The following WAC variants were observed in gnomAD, a reference collection of about 807,000 sequenced individuals.
WAC encodes WW domain containing adaptor with coiled-coil, also known as WW domain-containing adapter protein with coiled-coil.
A neutral mutation model predicts 79.6 loss-of-function variants in WAC; 11 were observed. The observed-to-expected ratio is 0.14, with a 90% CI of 0.09 to 0.23. The LOEUF is 0.23. WAC is among the 10% of genes least tolerant of loss of function. The pLI is 1.00. For synonymous variants in WAC, 304 were observed against 276.9 expected (o/e 1.10, Z -0.97); for missense variants, 728 against 773.5 (o/e 0.94, Z 0.70).
intron 7 of WAC, among the ~76,000 whole-genome samples, chr10:28,606,717 GCAAA>G (rs2132794479): frequency 6.6e-6 from 1 of 152,292 alleles, no homozygotes; most frequent in Admixed American, 6.5e-5. Flanking sequence ...TATACTAAAA[GCAAA>G]CAGAGTGCTG....
chr10:28,617,248 G>C (rs966178754), intron 12 of WAC, among the ~76,000 whole-genome samples: 1 of 152,166 alleles, frequency 6.6e-6, no homozygotes, highest in Admixed American at 6.6e-5. Context: ...TGGGGTGTTC[G>C]AAAGTTTACA....
Position 28,535,771 on chromosome 10 carries a change from T to C in WAC, c.274+14T>C, listed in dbSNP as rs1836621487. The C allele has an allele frequency of 1.9e-6, 3 of 1,586,942 alleles. No individual in the cohort carries two copies. The highest frequency in any genetic ancestry group is 2.7e-5 in the African/African-American group (2 of 73,880). ...AGAGGGATGGTGGTGAGTATCTTTC[T>C]TGTTGAAACTTTGACATACAGTTTT... is the stretch of plus-strand genomic sequence containing the variant. On this transcript the variant is annotated intron_variant, in intron 3 of 13. Transcript: ENST00000354911.
chr10:28,619,601 G>A lies in WAC; in HGVS notation c.1939G>A (p.Val647Met), dbSNP rs150286545. The A allele has an allele frequency of 3.2e-6, 5 of 1,574,928 alleles. No homozygotes were observed. The African/African-American group carries it at 4.2e-5, about 13-fold the overall frequency. Residue 647 changes from valine (V) to methionine (M), a missense_variant, in exon 14 of 14, where the codon GTG (valine) becomes ATG (methionine). Physicochemically the swap from Val to Met is conservative, Grantham distance 21. Around this residue, in one of 3 missense-constraint regions of WAC, gnomAD observed 66 missense variants for 78.9 expected, o/e 0.84. Transcript: ENST00000354911. Reference protein sequence around the residue: ...EKLKNQNSFMV With the variant: ...EKLKNQNSFMM ...GCTAAAAAATCAGAATTCCTTCATGGTGTGAAGATGTGAATAATTGCACAT... is the reference window on the plus strand; with the variant it reads ...GCTAAAAAATCAGAATTCCTTCATGATGTGAAGATGTGAATAATTGCACAT...
At chr10:28,610,905 T>C in intron 9 of WAC, 84 bp downstream of exon 9, 1 of 1,394,278 alleles carries the variant, frequency 7.2e-7, no homozygotes, top group Non-Finnish European at 9.3e-7. Flanking sequence ...ATTTAGTTTT[T>C]TCTTTCATTT....
intron 3 of WAC, among the ~76,000 whole-genome samples, chr10:28,581,745 G>A (rs188061151): frequency 7.3e-5 from 11 of 151,578 alleles, no homozygotes; most frequent in Non-Finnish European, 1.5e-4. Context: ...ATTTTTAGTA[G>A]AGATGGGGTT....
intron 6 of WAC, among the ~76,000 whole-genome samples, chr10:28,593,234 A>G (rs1450119229): frequency 6.6e-6 from 1 of 152,148 alleles, no homozygotes; most frequent in Non-Finnish European, 1.5e-5. Context: ...AAGCCATTCA[A>G]GTATTTAACT....
chr10:28,583,552 CA>C (rs35140807), intron 4 of WAC, 47 bp downstream of exon 4: 86,508 of 813,340 alleles, frequency 0.11, no homozygotes, highest in Non-Finnish European at 0.11. Context: ...GAATTTTTTG[CA>C]AAAAAAAAAA....
chr10:28,614,859 T>C, intron 11 of WAC, 174 bp downstream of exon 11: 2 of 504,970 alleles, frequency 4.0e-6, no homozygotes, highest in Non-Finnish European at 6.9e-6. Context: ...AGAGGTAGGT[T>C]ATTGTCTCTA....
intron 3 of WAC, among the ~76,000 whole-genome samples, chr10:28,566,664 C>G (rs1838632407): frequency 1.3e-5 from 2 of 152,178 alleles, no homozygotes; most frequent in South Asian, 4.1e-4. Flanking sequence ...GTTTTTTTCT[C>G]TTACCATAAG....
intron 1 of WAC, 114 bp from the exon 2 acceptor site, chr10:28,533,884 G>A (rs1368911037): frequency 1.5e-6 from 2 of 1,345,126 alleles, no homozygotes; most frequent in East Asian, 2.5e-5. Flanking sequence ...GCTCGGCGCT[G>A]GGGCGCTCGG....
In WAC at chr10:28,619,735, G is replaced by A; in HGVS notation, c.*129G>A. The A allele has an allele frequency of 9.1e-6, 6 of 658,744 alleles. No individual in the cohort carries two copies. The East Asian group carries it at 1.3e-4, about 14-fold the overall frequency. 40.8% of individuals were successfully genotyped at this position (658,744 alleles called of 1,614,324 possible). On this transcript the variant is annotated 3_prime_UTR_variant, in exon 14 of 14. Transcript: ENST00000354911. ...TGGGCAAAGGAAATGACAAGGGGAC[G>A]GGGTCTGTGAGAGTCAATTCAGGGG... is the stretch of plus-strand genomic sequence containing the variant.
chr10:28,546,334 A>G (rs560635995), intron 3 of WAC, among the ~76,000 whole-genome samples: 3 of 152,342 alleles, frequency 2.0e-5, no homozygotes, highest in South Asian at 2.1e-4. Flanking sequence ...TTCTAACTTC[A>G]TAGAATTGTG....
At chr10:28,612,931 A>T (rs1841310464) in intron 10 of WAC, among the ~76,000 whole-genome samples, 1 of 152,194 alleles carries the variant, frequency 6.6e-6, no homozygotes, top group Non-Finnish European at 1.5e-5. Context: ...AATAGTGGTT[A>T]AAAGTGAAAT....
intron 3 of WAC, among the ~76,000 whole-genome samples, chr10:28,576,992 G>A (rs1839275885): frequency 6.6e-6 from 1 of 152,088 alleles, no homozygotes; most frequent in Non-Finnish European, 1.5e-5. Flanking sequence ...CCTACTAGCT[G>A]TGTTTCAAGT....
chr10:28,551,852 T>TCTCGC (rs1179552249), intron 3 of WAC, among the ~76,000 whole-genome samples: 6 of 145,080 alleles, frequency 4.1e-5, no homozygotes, highest in Middle Eastern at 3.6e-3. Context: ...TGAGATGGAG[T>TCTCGC]CTCGCTCTGT....
At chr10:28,551,344 A>C (rs1180788357) in intron 3 of WAC, among the ~76,000 whole-genome samples, 2 of 152,224 alleles carry the variant, frequency 1.3e-5, no homozygotes, top group African/African-American at 4.8e-5. Context: ...ATCAGGGAAA[A>C]AAAAGAATGC....
chr10:28,601,694 G>C (rs1564412019), intron 7 of WAC, among the ~76,000 whole-genome samples: 1 of 152,108 alleles, frequency 6.6e-6, no homozygotes, highest in African/African-American at 2.4e-5. Context: ...GTGATACATA[G>C]ACTAACAATA....
chr10:28,601,337 A>G (rs1157812938), intron 7 of WAC, among the ~76,000 whole-genome samples: 4 of 152,184 alleles, frequency 2.6e-5, no homozygotes, highest in Admixed American at 2.6e-4. Flanking sequence ...TCATTAGGGA[A>G]ATGCAATTCA....
rs548290045 is a variant in WAC, at chr10:28,545,861, G to A, written c.274+10104G>A. 4.6e-5 allele frequency among the ~76,000 whole-genome samples: 7 copies of A among 152,196 alleles called. No homozygotes were observed. The South Asian group carries it at 6.2e-4, about 13-fold the overall frequency. ...TGTTACTTTAGATAATACCTACTTA[G>A]GTACTACATTTCCACCATAACACCT... On this transcript the variant is annotated intron_variant, in intron 3 of 13. Transcript: ENST00000354911.
Sources: gnomAD v4.1 joint callset for allele counts (sites outside exome capture counted in the v4.1 genomes callset) on GRCh38, gnomAD v4.1.1 for gene constraint, gnomAD v4.1.1 regional missense constraint, MANE v1.5 for transcripts, NCBI Gene and HGNC (gene_info 2026-07-23, HGNC 2026-07-21) for gene names.